MYO16: variants seen among roughly 807,000 people sequenced by gnomAD.
The protein encoded by MYO16 is unconventional myosin-XVI.
Under a neutral mutation model 205.3 loss-of-function variants are expected in MYO16, and 94 were observed. That is an observed-to-expected ratio of 0.46 (90% CI 0.39 to 0.54). The LOEUF (loss-of-function observed/expected upper bound fraction) is 0.54. MYO16 is among the 20% of genes least tolerant of loss of function. The probability of loss-of-function intolerance (pLI) is 0.00; values close to 1 mark genes in which losing one functional copy is unlikely to be tolerated. For synonymous variants in MYO16, 988 were observed against 954.0 expected, an observed-to-expected ratio of 1.04 and a Z score of -0.66; for missense variants, 2,315 against 2,387.5, an observed-to-expected ratio of 0.97 and a Z score of 0.63.
intron 2 of MYO16, among the ~76,000 whole-genome samples, chr13:108,706,754 C>T (rs968893337): frequency 5.3e-5 from 8 of 152,176 alleles, no homozygotes; most frequent in Admixed American, 3.9e-4. Flanking sequence ...CCACGAAGAC[C>T]TTGGACTTGG....
At chr13:108,842,645 A>C (rs1011286280) in intron 9 of MYO16, among the ~76,000 whole-genome samples, 1 of 152,136 alleles carries the variant, frequency 6.6e-6, no homozygotes. Flanking sequence ...CCCCTTGAAC[A>C]CTGTTTGTGG....
At chr13:109,172,643 A>G (rs899536947) in intron 33 of MYO16, among the ~76,000 whole-genome samples, 2 of 152,182 alleles carry the variant, frequency 1.3e-5, no homozygotes, top group Non-Finnish European at 2.9e-5. Flanking sequence ...TCAATTTTCT[A>G]ATCTTAAAAA....
At chr13:108,583,951 A>AGTTTTTT in the MYO16 span, among the ~76,000 whole-genome samples, 2 of 152,026 alleles carry the variant, frequency 1.3e-5, no homozygotes, top group African/African-American at 2.4e-5. Context: ...CCGTTAAAGT[A>AGTTTTTT]GTTTTTTGTT....
Position 108,855,488 on chromosome 13 carries a change from A to G in MYO16, c.1294A>G (p.Ser432Gly), listed in dbSNP as rs768975698. ...PAPNDDLATLSELNDGSLLYE... is the reference protein window; with the variant it reads ...PAPNDDLATLGELNDGSLLYE... ...CCCAAACGATGACCTGGCAACGCTCAGCGAGCTCAATGATGGCAGCCTGCT... is the reference window on the plus strand; with the variant it reads ...CCCAAACGATGACCTGGCAACGCTCGGCGAGCTCAATGATGGCAGCCTGCT... The change falls in exon 11 of 35, where the codon AGC becomes GGC. Residue 432 changes from serine (S) to glycine (G), a missense_variant. Coordinates refer to ENST00000457511, the MANE Select transcript of MYO16 (RefSeq NM_001198950.3). The G allele has an allele frequency of 1.9e-6, 3 of 1,598,224 alleles. No homozygotes were observed. In the South Asian group the frequency reaches 3.3e-5, roughly 18 times the overall value.
chr13:108,868,651 G>A (rs192362958), intron 12 of MYO16, among the ~76,000 whole-genome samples: 22 of 152,064 alleles, frequency 1.4e-4, no homozygotes, highest in Middle Eastern at 3.4e-3. Flanking sequence ...AGCTGGGCTC[G>A]GTGGCTCACG....
At chr13:109,181,429 G>A (rs927619914) in intron 34 of MYO16, among the ~76,000 whole-genome samples, 1 of 152,186 alleles carries the variant, frequency 6.6e-6, no homozygotes, top group Admixed American at 6.5e-5. Flanking sequence ...ACACATGCAG[G>A]GAACCAGCTT....
chr13:108,618,677 A>G (rs1879434043), intron 1 of MYO16, among the ~76,000 whole-genome samples: 1 of 152,224 alleles, frequency 6.6e-6, no homozygotes, highest in Non-Finnish European at 1.5e-5. Flanking sequence ...ATGCAAAAGT[A>G]CAGTAGCCTG....
chr13:108,566,263 T>A, the MYO16 span, among the ~76,000 whole-genome samples: 8 of 152,300 alleles, frequency 5.3e-5, no homozygotes, highest in South Asian at 1.4e-3. Flanking sequence ...GTAGATTGTA[T>A]GTATTTAGAA....
intron 21 of MYO16, among the ~76,000 whole-genome samples, chr13:108,995,892 C>T (rs976841574): frequency 6.6e-6 from 1 of 152,104 alleles, no homozygotes; most frequent in Non-Finnish European, 1.5e-5. Flanking sequence ...TAGTGCATCT[C>T]ACACCAGTTA....
chr13:108,669,556 C>T (rs1323824744), intron 2 of MYO16, among the ~76,000 whole-genome samples: 1 of 152,028 alleles, frequency 6.6e-6, no homozygotes, highest in Non-Finnish European at 1.5e-5. Context: ...AATTCATTTG[C>T]ATTTCTCTAA....
intron 4 of MYO16, among the ~76,000 whole-genome samples, chr13:108,775,126 C>A (rs1269322875): frequency 6.6e-6 from 1 of 152,164 alleles, no homozygotes; most frequent in Non-Finnish European, 1.5e-5. Context: ...AATACACACA[C>A]CAATACATGA....
chr13:109,187,895 T>C (rs1416032586), intron 34 of MYO16, among the ~76,000 whole-genome samples: 6 of 152,206 alleles, frequency 3.9e-5, no homozygotes, highest in African/African-American at 1.2e-4. Flanking sequence ...CACATCCATG[T>C]CTCTGCTGGC....
Position 108,645,811 on chromosome 13 carries a change from C to G in MYO16, c.28+15939C>G, listed in dbSNP as rs1380990575. On this transcript the variant is annotated intron_variant, in intron 1 of 34. Coordinates refer to ENST00000457511, the MANE Select transcript of MYO16 (RefSeq NM_001198950.3). Reference sequence around the variant, plus strand: ...CCACCTGTTTTATCTTCCACATCTACCTTGTACATTCTCCACCTTTCCCTA... The same window carrying G: ...CCACCTGTTTTATCTTCCACATCTAGCTTGTACATTCTCCACCTTTCCCTA... 2.0e-5 allele frequency among the ~76,000 whole-genome samples: 3 copies of G among 152,194 alleles called. 1 individual carries two copies. The East Asian group carries it at 5.8e-4, about 29-fold the overall frequency.
rs191981907 is a variant in MYO16, at chr13:109,040,816, G to A, written c.2797-6100G>A. ...CTGTGATCAGAAACAAGACAAGGAT[G>A]TCTGCTCTCACCACTCTTAACATAG... On this transcript the variant is annotated intron_variant, in intron 23 of 34. Transcript: ENST00000457511. 7.9e-5 allele frequency among the ~76,000 whole-genome samples: 12 copies of A among 152,246 alleles called. No homozygotes were observed. The East Asian group carries it at 2.3e-3, about 29-fold the overall frequency.
At chr13:108,644,335 T>C (rs10162079) in intron 1 of MYO16, among the ~76,000 whole-genome samples, 3,760 of 151,418 alleles carry the variant, frequency 0.025, 152 homozygotes, top group African/African-American at 0.085. Flanking sequence ...GGTTGGAGCA[T>C]TTATTCTACC....
chr13:108,760,208 A>G (rs1178065722), intron 4 of MYO16, among the ~76,000 whole-genome samples: 1 of 152,224 alleles, frequency 6.6e-6, no homozygotes, highest in Non-Finnish European at 1.5e-5. Flanking sequence ...GTTCTGAGAA[A>G]CAGTTAAAGG....
At chr13:108,678,518 C>T (rs1882326480) in intron 2 of MYO16, among the ~76,000 whole-genome samples, 1 of 152,144 alleles carries the variant, frequency 6.6e-6, no homozygotes, top group Non-Finnish European at 1.5e-5. Flanking sequence ...CTTGAAAACA[C>T]CCCTACCAGG....
At chr13:108,541,052 C>G in the MYO16 span, among the ~76,000 whole-genome samples, 1 of 152,056 alleles carries the variant, frequency 6.6e-6, no homozygotes, top group Non-Finnish European at 1.5e-5. Context: ...TTTGACATGA[C>G]CTGAGACTTT....
At chr13:108,774,101 A>C (rs1163430553) in intron 4 of MYO16, among the ~76,000 whole-genome samples, 2 of 147,288 alleles carry the variant, frequency 1.4e-5, no homozygotes, top group Non-Finnish European at 3.0e-5. Flanking sequence ...AAAAATGAAA[A>C]TAAATAACAA....
Sources: allele counts gnomAD v4.1 joint callset (sites outside exome capture counted in the v4.1 genomes callset), GRCh38; gene constraint gnomAD v4.1.1; transcripts MANE v1.5; gene names NCBI Gene and HGNC (gene_info 2026-07-23, HGNC 2026-07-21).